TMTC1: variants seen among roughly 807,000 people sequenced by gnomAD.
TMTC1 encodes protein O-mannosyl-transferase TMTC1.
Under a neutral mutation model 104.8 loss-of-function variants are expected in TMTC1, and 73 were observed. That is an observed-to-expected ratio of 0.70 (90% CI 0.58 to 0.85). TMTC1 has a LOEUF of 0.85. TMTC1 is among the 40% of genes least tolerant of loss of function. The pLI is 0.00. For missense variants in TMTC1, 1,035 were observed against 1,096.1 expected (o/e 0.94, Z 0.79); for synonymous variants, 434 against 428.7 (o/e 1.01, Z -0.15).
At chr12:29,580,030 G>A (rs1399928285) in intron 8 of TMTC1, among the ~76,000 whole-genome samples, 2 of 152,140 alleles carry the variant, frequency 1.3e-5, no homozygotes, top group East Asian at 3.9e-4. Context: ...CTTTTTGTGT[G>A]TAAGGTTCTT....
At chr12:29,761,453 AT>A (rs1943346765) in intron 2 of TMTC1, among the ~76,000 whole-genome samples, 2 of 152,140 alleles carry the variant, frequency 1.3e-5, no homozygotes, top group Non-Finnish European at 2.9e-5. Context: ...TATTCTCCAT[AT>A]TTTTTAAGTT....
chr12:29,538,596 T>C (rs1944709182), intron 10 of TMTC1, among the ~76,000 whole-genome samples: 1 of 152,164 alleles, frequency 6.6e-6, no homozygotes, highest in Non-Finnish European at 1.5e-5. Context: ...TCGTGGCTCA[T>C]ATCAGTTAGA....
At chr12:29,638,324 G>T (rs185636924) in intron 5 of TMTC1, among the ~76,000 whole-genome samples, 2 of 152,142 alleles carry the variant, frequency 1.3e-5, no homozygotes, top group East Asian at 3.9e-4. Context: ...ACACTGGCAG[G>T]ACATTGATGG....
intron 1 of TMTC1, among the ~76,000 whole-genome samples, chr12:29,776,732 A>T (rs1943717293): frequency 6.9e-6 from 1 of 144,790 alleles, no homozygotes; most frequent in Non-Finnish European, 1.5e-5. Flanking sequence ...GGGTAAAAAA[A>T]CACAGAGGAG....
At chr12:29,554,383 T>C (rs1945183875) in intron 10 of TMTC1, among the ~76,000 whole-genome samples, 1 of 152,052 alleles carries the variant, frequency 6.6e-6, no homozygotes, top group Admixed American at 6.6e-5. Context: ...ACACAATTAG[T>C]TTTAATATCA....
chr12:29,581,489 A>T (rs1349966182), intron 8 of TMTC1, among the ~76,000 whole-genome samples: 1 of 152,188 alleles, frequency 6.6e-6, no homozygotes, highest in Non-Finnish European at 1.5e-5. Context: ...AAATCAATTG[A>T]TGTGAAGATA....
At chr12:29,594,005 C>G (rs933710432) in intron 7 of TMTC1, among the ~76,000 whole-genome samples, 1 of 152,184 alleles carries the variant, frequency 6.6e-6, no homozygotes, top group Non-Finnish European at 1.5e-5. Context: ...GATAATAAGA[C>G]CCACGACTGT....
At chr12:29,780,248 T>C (rs1943803177) in intron 1 of TMTC1, among the ~76,000 whole-genome samples, 1 of 152,218 alleles carries the variant, frequency 6.6e-6, no homozygotes, top group African/African-American at 2.4e-5. Context: ...ACAACCTAGA[T>C]GTCCCCAACA....
chr12:29,675,924 A>G (rs982074646), intron 5 of TMTC1, among the ~76,000 whole-genome samples: 2 of 152,208 alleles, frequency 1.3e-5, no homozygotes, highest in African/African-American at 2.4e-5. Context: ...TCTGTGTGCA[A>G]TCAATGGAAT....
At chr12:29,617,458 C>G (rs1947013572) in intron 6 of TMTC1, among the ~76,000 whole-genome samples, 1 of 151,924 alleles carries the variant, frequency 6.6e-6, no homozygotes, top group South Asian at 2.1e-4. Flanking sequence ...ATTTAGCAAT[C>G]AATCACTCCC....
intron 5 of TMTC1, among the ~76,000 whole-genome samples, chr12:29,692,069 T>C (rs536327479): frequency 1.4e-5 from 2 of 145,790 alleles, no homozygotes; most frequent in African/African-American, 5.0e-5. Flanking sequence ...GACATTGTCA[T>C]TACTCTCAAC....
chr12:29,567,326 G>A (rs935760118), intron 9 of TMTC1, among the ~76,000 whole-genome samples: 10 of 152,168 alleles, frequency 6.6e-5, no homozygotes, highest in African/African-American at 2.4e-4. Flanking sequence ...AAACTTTTCT[G>A]AAAATACATT....
chr12:29,614,248 C>A (rs187411395), intron 6 of TMTC1, among the ~76,000 whole-genome samples: 2 of 152,232 alleles, frequency 1.3e-5, no homozygotes, highest in African/African-American at 4.8e-5. Context: ...AGATTTGATT[C>A]CTGTTATCTG....
chr12:29,677,177 A>G (rs967057713), intron 5 of TMTC1, among the ~76,000 whole-genome samples: 2 of 152,214 alleles, frequency 1.3e-5, no homozygotes, highest in Non-Finnish European at 2.9e-5. Context: ...TATCTAGTCA[A>G]TGTAATGGGT....
intron 5 of TMTC1, among the ~76,000 whole-genome samples, chr12:29,665,214 C>G (rs777688139): frequency 2.0e-5 from 3 of 152,112 alleles, no homozygotes; most frequent in Non-Finnish European, 2.9e-5. Flanking sequence ...GACCCTTCAC[C>G]TGGAGGAGGC....
At chr12:29,586,233 C>T (rs951276759) in intron 7 of TMTC1, among the ~76,000 whole-genome samples, 13 of 151,806 alleles carry the variant, frequency 8.6e-5, no homozygotes, top group South Asian at 2.1e-4. Flanking sequence ...TGATTTGGCT[C>T]TCTGTCTGTT....
intron 5 of TMTC1, among the ~76,000 whole-genome samples, chr12:29,663,367 A>G (rs1940122728): frequency 6.6e-6 from 1 of 152,160 alleles, no homozygotes; most frequent in Non-Finnish European, 1.5e-5. Context: ...CTGAATAAAA[A>G]GGCACTTTCT....
At chr12:29,774,251 G>A (rs1256419396) in intron 1 of TMTC1, among the ~76,000 whole-genome samples, 1 of 152,058 alleles carries the variant, frequency 6.6e-6, no homozygotes, top group African/African-American at 2.4e-5. Flanking sequence ...ATATTCCAAG[G>A]CAGCAGATCT....
chr12:29,537,624 C>G (rs1316956338), intron 10 of TMTC1, among the ~76,000 whole-genome samples: 2 of 152,124 alleles, frequency 1.3e-5, no homozygotes, highest in Non-Finnish European at 2.9e-5. Flanking sequence ...CCATCCAGAC[C>G]TACTGAATCT....
Sources: allele counts gnomAD v4.1 joint callset (sites outside exome capture counted in the v4.1 genomes callset), GRCh38; gene constraint gnomAD v4.1.1; transcripts MANE v1.5; gene names NCBI Gene and HGNC (gene_info 2026-07-23, HGNC 2026-07-21).